Variants in FGFR4 observed in about 807,000 individuals in gnomAD.
The protein encoded by FGFR4 is fibroblast growth factor receptor 4, also known as hydroxyaryl-protein kinase.
In FGFR4, 63 loss-of-function variants were observed where a neutral mutation model predicts 89.9. The observed-to-expected ratio is 0.70, with a 90% CI of 0.57 to 0.86. The LOEUF (loss-of-function observed/expected upper bound fraction) is 0.86, where lower values mean the gene tolerates loss of function less well. Ranked by LOEUF, FGFR4 falls within the 40% of genes least tolerant of loss-of-function variation. The probability of loss-of-function intolerance (pLI) is 0.00; values close to 1 mark genes in which losing one functional copy is unlikely to be tolerated. For synonymous variants in FGFR4, 486 were observed against 479.4 expected, an observed-to-expected ratio of 1.01 and a Z score of -0.18; for missense variants, 928 against 1,106.7, an observed-to-expected ratio of 0.84 and a Z score of 2.29.
chr5:177,094,977 T>C (rs1784496477), intron 11 of FGFR4: 1 of 254,666 alleles, frequency 3.9e-6, no homozygotes, highest in South Asian at 5.4e-5. Context: ...ATGCGGGGAC[T>C]ACCGCTGACC....
chr5:177,091,638 C>G, intron 5 of FGFR4, 47 bp from the exon 6 acceptor site: 2 of 1,608,352 alleles, frequency 1.2e-6, no homozygotes, highest in Middle Eastern at 1.8e-4. Context: ...CTCTGGCCCC[C>G]TTGGTGGACA....
At position 177,095,882 on chromosome 5, in the gene FGFR4, C is replaced by G. The variant is rs1046123867; in HGVS notation, c.1821+159C>G. On this transcript the variant is annotated intron_variant, in intron 13 of 17. Transcript: ENST00000292408. This position sits in a 1 kb window ranked among gnomAD's most constrained non-coding sequence, Gnocchi z 5.7. ...TTTCCTGCATTCCCCACTCGTTCCTCACCCTTCCCCAGAGGGGAGAGGGGA... is the reference window on the plus strand; with the variant it reads ...TTTCCTGCATTCCCCACTCGTTCCTGACCCTTCCCCAGAGGGGAGAGGGGA... 1.3e-5 allele frequency among the ~76,000 whole-genome samples: 2 copies of G among 152,248 alleles called. No individual in the cohort carries two copies. The highest frequency in any genetic ancestry group is 2.4e-5 in the African/African-American group (1 of 41,466).
chr5:177,098,030 G>A lies in FGFR4; in HGVS notation c.*354G>A, dbSNP rs770093185. ...CTCCCCCTGCTGCTGCTGCCCCAGC[G>A]TCTTGACGGGAGCATTGGCCCCTGA... On this transcript the variant is annotated 3_prime_UTR_variant, in exon 18 of 18. Coordinates refer to ENST00000292408, the MANE Select transcript of FGFR4 (RefSeq NM_213647.3). The surrounding 1 kb of genome is among the most constrained non-coding windows in gnomAD (Gnocchi z 4.5). The A allele has an allele frequency of 1.8e-5, 5 of 275,382 alleles. No homozygotes were observed. The highest frequency in any genetic ancestry group is 1.1e-4 in the East Asian group (2 of 18,530). 17.1% of individuals were successfully genotyped at this position (275,382 alleles called of 1,614,324 possible).
chr5:177,091,154 A>ATC, intron 5 of FGFR4, 50 bp downstream of exon 5: 1 of 1,493,394 alleles, frequency 6.7e-7, no homozygotes, highest in South Asian at 1.3e-5. Flanking sequence ...TCATTCCTTC[A>ATC]TCAGTCCCCT....
chr5:177,093,513 T>A lies in FGFR4; in HGVS notation c.1359T>A (p.Asp453Glu), dbSNP rs775920309. 1.2e-6 allele frequency: 2 copies of A among 1,613,892 alleles called. No homozygotes were observed. Among genetic ancestry groups the A allele is most frequent in the South Asian group, 1.1e-5 (1 of 91,086 alleles). Reference sequence around the variant, plus strand: ...TGCTCGCCGGCCTCGTGAGTCTAGATCTACCTCTCGACCCACTATGGGAGT... The same window carrying A: ...TGCTCGCCGGCCTCGTGAGTCTAGAACTACCTCTCGACCCACTATGGGAGT... ...PALLAGLVSL[D>E]LPLDPLWEFP... is the part of the protein sequence containing the mutation. Residue 453 changes from aspartate to glutamate, a missense_variant, in exon 10 of 18, where the codon GAT becomes GAA. By Grantham distance (45) the Asp-to-Glu change is conservative (BLOSUM62 2). Transcript: ENST00000292408. This position sits in a 1 kb window ranked among gnomAD's most constrained non-coding sequence, Gnocchi z 5.8.
In FGFR4 at chr5:177,097,901, CA is replaced by C; in HGVS notation, c.*226del. The C allele has an allele frequency of 2.0e-6, 1 of 490,642 alleles. No individual in the cohort carries two copies. The highest frequency in any genetic ancestry group is 3.2e-5 in the East Asian group (1 of 31,352). 30.4% of individuals were successfully genotyped at this position (490,642 alleles called of 1,614,324 possible). A position where few individuals can be genotyped will look rare whatever the true frequency, so the allele number is the denominator to read the frequency against. ...TTCTTGGACCTTGGCGCTTAGTCCCCATCCCGGGTTTGGCTGAGCCTGGCTG... is the reference window on the plus strand; with the variant it reads ...TTCTTGGACCTTGGCGCTTAGTCCCCTCCCGGGTTTGGCTGAGCCTGGCTG... On this transcript the variant is annotated 3_prime_UTR_variant, in exon 18 of 18. Coordinates refer to ENST00000292408, the MANE Select transcript of FGFR4 (RefSeq NM_213647.3).
At position 177,093,429 on chromosome 5, in the gene FGFR4, C is replaced by T. The variant is rs201812753; in HGVS notation, c.1275C>T (p.Ser425=). The part of the protein sequence containing the change: ...ARQFSLESGS[S]GKSSSSLVRG... ...AGTTCTCCCTGGAGTCAGGCTCTTC[C>T]GGCAAGTCAAGCTCATCCCTGGTAC... Residue 425 remains serine (S), a synonymous_variant, in exon 10 of 18, where the codon TCC becomes TCT. Coordinates refer to ENST00000292408, the MANE Select transcript of FGFR4 (RefSeq NM_213647.3). The surrounding 1 kb of genome is among the most constrained non-coding windows in gnomAD (Gnocchi z 5.8). 347 of 1,614,118 alleles carry T rather than the reference C, an allele frequency of 2.1e-4. No individual in the cohort carries two copies. The East Asian group carries it at 2.7e-3, about 12-fold the overall frequency.
Position 177,092,804 on chromosome 5 carries a change from G to A in FGFR4, c.1057+20G>A. The A allele has an allele frequency of 6.2e-7, 1 of 1,614,180 alleles. No homozygotes were observed. The highest frequency in any genetic ancestry group is 2.2e-5 in the East Asian group (1 of 44,890). On this transcript the variant is annotated intron_variant, in intron 8 of 17. Transcript: ENST00000292408. ...TGCCAGGTGAGCACCTGAAGGGCCAGGAGATGCTGCGAGATGCCCCTCTGG... is the reference window on the plus strand; with the variant it reads ...TGCCAGGTGAGCACCTGAAGGGCCAAGAGATGCTGCGAGATGCCCCTCTGG...
intron 15 of FGFR4, 23 bp from the exon 16 acceptor site, chr5:177,096,581 C>T (rs976287628): frequency 3.5e-5 from 56 of 1,612,780 alleles, no homozygotes; most frequent in Non-Finnish European, 4.6e-5. Flanking sequence ...CTGAGCCACA[C>T]TGAGCCCTGG....
Position 177,093,920 on chromosome 5 carries a change from A to G in FGFR4, c.1519+145A>G, listed in dbSNP as rs930506383. On this transcript the variant is annotated intron_variant, in intron 11 of 17. Transcript: ENST00000292408. This position sits in a 1 kb window ranked among gnomAD's most constrained non-coding sequence, Gnocchi z 5.8. ...CATCTCTACAAAAAAAAAATAAGAA[A>G]ATTAGTTGGGTGTGGTGGTGTGTGC... The G allele has an allele frequency of 2.0e-6, 2 of 1,022,706 alleles. No individual in the cohort carries two copies. Among genetic ancestry groups the G allele is most frequent in the Non-Finnish European group, 2.8e-6 (2 of 725,284 alleles). The allele number at this position is 1,022,706 out of a possible 1,614,324, so 63.4% of individuals were successfully genotyped here.
At position 177,097,295 on chromosome 5, in the gene FGFR4, C is replaced by T. The variant is rs746030739; in HGVS notation, c.2157C>T (p.Tyr719=). The T allele has an allele frequency of 3.3e-5, 53 of 1,600,778 alleles. 1 individual carries two copies. In the South Asian group the frequency reaches 5.1e-4, roughly 15 times the overall value. Residue 719 remains tyrosine, a synonymous_variant, in exon 17 of 18, where the codon TAC becomes TAT. Transcript: ENST00000292408. ...DRPPHCPPEL[Y]GLMRECWHAA... Reference sequence around the variant, plus strand: ...CCCTCCGCCCCACCTCTCGCAGGTACGGGCTGATGCGTGAGTGCTGGCACG... The same window carrying T: ...CCCTCCGCCCCACCTCTCGCAGGTATGGGCTGATGCGTGAGTGCTGGCACG...
chr5:177,096,568 G>A, intron 15 of FGFR4, 36 bp from the exon 16 acceptor site: 1 of 1,611,070 alleles, frequency 6.2e-7, no homozygotes, highest in Non-Finnish European at 8.5e-7. Context: ...CGTCGGGAGG[G>A]CGCTGAGCCA....
rs960817369 is a variant in FGFR4, at chr5:177,093,892, C to T, written c.1519+117C>T. The T allele has an allele frequency of 2.0e-5, 24 of 1,183,466 alleles. No individual in the cohort carries two copies. The South Asian group carries it at 2.4e-4, about 12-fold the overall frequency. 73.3% of individuals were successfully genotyped at this position (1,183,466 alleles called of 1,614,324 possible). Reference sequence around the variant, plus strand: ...GGCCAGCCTGGGCAACATGGCAAGACTTCATCTCTACAAAAAAAAAATAAG... The same window carrying T: ...GGCCAGCCTGGGCAACATGGCAAGATTTCATCTCTACAAAAAAAAAATAAG... On this transcript the variant is annotated intron_variant, in intron 11 of 17. Coordinates refer to ENST00000292408, the MANE Select transcript of FGFR4 (RefSeq NM_213647.3). The surrounding 1 kb of genome is among the most constrained non-coding windows in gnomAD (Gnocchi z 5.8).
rs1784203061 is a variant in FGFR4, at chr5:177,087,765, T to A, written c.-54+688T>A. ...GGAGGATCCGACTGGATTCGAGAGTTGAGGTGGGCCAGAGACAGCAGTATC... is the reference window on the plus strand; with the variant it reads ...GGAGGATCCGACTGGATTCGAGAGTAGAGGTGGGCCAGAGACAGCAGTATC... On this transcript the variant is annotated intron_variant, in intron 1 of 17. Coordinates refer to ENST00000292408, the MANE Select transcript of FGFR4 (RefSeq NM_213647.3). The surrounding 1 kb of genome is among the most constrained non-coding windows in gnomAD (Gnocchi z 6.1). 1 of 430,108 alleles carries A rather than the reference T, an allele frequency of 2.3e-6. No homozygotes were observed. The allele number at this position is 430,108 out of a possible 1,614,324, so 26.6% of individuals were successfully genotyped here.
At position 177,095,992 on chromosome 5, in the gene FGFR4, G is replaced by T. The variant is rs1784546247; in HGVS notation, c.1822-65G>T. ...AGGGCCCCTGCCCCCGGGCCTGCTG[G>T]GGGGTGGTGTGTGCTCAACTCCAGG... On this transcript the variant is annotated intron_variant, in intron 13 of 17. Transcript: ENST00000292408. This position sits in a 1 kb window ranked among gnomAD's most constrained non-coding sequence, Gnocchi z 5.7. The T allele has an allele frequency of 1.3e-6, 2 of 1,569,596 alleles. No individual in the cohort carries two copies. Among genetic ancestry groups the T allele is most frequent in the East Asian group, 2.3e-5 (1 of 44,166 alleles).
rs779573414 is a variant in FGFR4, at chr5:177,095,527, C to T, written c.1631-6C>T. On this transcript the variant is annotated splice_polypyrimidine_tract_variant and splice_region_variant and intron_variant, in intron 12 of 17. Coordinates refer to ENST00000292408, the MANE Select transcript of FGFR4 (RefSeq NM_213647.3). The surrounding 1 kb of genome is among the most constrained non-coding windows in gnomAD (Gnocchi z 5.7). ...CCTCTCCACGCTCCCTCCACTCCCT[C>T]TGCAGGGCCCCTGTACGTGATCGTG... is the stretch of plus-strand genomic sequence containing the variant. 6.2e-7 allele frequency: 1 copy of T among 1,611,852 alleles called. No homozygotes were observed. Among genetic ancestry groups the T allele is most frequent in the Admixed American group, 1.7e-5 (1 of 59,822 alleles).
Position 177,097,885 on chromosome 5 carries a change from C to A in FGFR4, c.*209C>A. 1 of 518,936 alleles carries A rather than the reference C, an allele frequency of 1.9e-6. No individual in the cohort carries two copies. Among genetic ancestry groups the A allele is most frequent in the South Asian group, 4.5e-5 (1 of 22,252 alleles). The allele number at this position is 518,936 out of a possible 1,614,324, so 32.1% of individuals were successfully genotyped here. A position where few individuals can be genotyped will look rare whatever the true frequency, so the allele number is the denominator to read the frequency against. On this transcript the variant is annotated 3_prime_UTR_variant, in exon 18 of 18. Coordinates refer to ENST00000292408, the MANE Select transcript of FGFR4 (RefSeq NM_213647.3). ...CAGGGTTCTGCTCGGCTTCTTGGAC[C>A]TTGGCGCTTAGTCCCCATCCCGGGT...
In FGFR4 at chr5:177,091,026, A is replaced by G. The variant is rs2149732056; in HGVS notation, c.525A>G (p.Ala175=). 6.2e-7 allele frequency: 1 copy of G among 1,612,998 alleles called. No homozygotes were observed. The highest frequency in any genetic ancestry group is 8.5e-7 in the Non-Finnish European group (1 of 1,179,030). ...CCGTCAAGTTCCGCTGTCCAGCTGC[A>G]GGCAACCCCACGCCCACCATCCGCT... ...GNTVKFRCPA[A]GNPTPTIRWL... is the part of the protein sequence containing the mutation. Residue 175 remains alanine, a synonymous_variant, in exon 5 of 18, where the codon GCA becomes GCG. Coordinates refer to ENST00000292408, the MANE Select transcript of FGFR4 (RefSeq NM_213647.3).
intron 8 of FGFR4, 115 bp downstream of exon 8, chr5:177,092,899 C>A: frequency 6.6e-7 from 1 of 1,526,358 alleles, no homozygotes; most frequent in Non-Finnish European, 9.0e-7. Flanking sequence ...GCCTGGGGGG[C>A]AGTGTGTGGA....
Sources: gnomAD v4.1 joint callset for allele counts (sites outside exome capture counted in the v4.1 genomes callset) on GRCh38, gnomAD v4.1.1 for gene constraint, Gnocchi (gnomAD v3.1) non-coding constraint, MANE v1.5 for transcripts, NCBI Gene and HGNC (gene_info 2026-07-23, HGNC 2026-07-21) for gene names.